The following CDK14 variants were observed in gnomAD, a reference collection of about 807,000 sequenced individuals.
CDK14 encodes cyclin dependent kinase 14.
A neutral mutation model predicts 60.7 loss-of-function variants in CDK14; 34 were observed. The ratio of observed to expected loss-of-function variants is 0.56; its 90% CI spans 0.43 to 0.75. The LOEUF is 0.75. Ranked by LOEUF, CDK14 falls within the 30% of genes least tolerant of loss-of-function variation. The pLI, the probability that CDK14 is intolerant of heterozygous loss-of-function variation, is 0.00. For synonymous variants in CDK14, 197 were observed against 203.7 expected, an observed-to-expected ratio of 0.97 and a Z score of 0.28; for missense variants, 482 against 564.1, an observed-to-expected ratio of 0.85 and a Z score of 1.47.
intron 2 of CDK14, among the ~76,000 whole-genome samples, chr7:90,664,588 A>G (rs1207590849): frequency 3.3e-5 from 5 of 152,192 alleles, no homozygotes; most frequent in Admixed American, 1.3e-4. Flanking sequence ...GCACATATAC[A>G]CCATGGAATA....
At chr7:90,677,098 A>G (rs1170811665) in intron 2 of CDK14, among the ~76,000 whole-genome samples, 1 of 152,180 alleles carries the variant, frequency 6.6e-6, no homozygotes, top group Non-Finnish European at 1.5e-5. Context: ...TCAAAATTTG[A>G]TACATCACTG....
At chr7:90,992,099 G>A (rs1795556887) in intron 10 of CDK14, among the ~76,000 whole-genome samples, 1 of 152,180 alleles carries the variant, frequency 6.6e-6, no homozygotes, top group Non-Finnish European at 1.5e-5. Flanking sequence ...AATAAAGAAA[G>A]TTCTATGCTT....
chr7:90,938,476 G>T (rs554855447), intron 8 of CDK14, among the ~76,000 whole-genome samples: 2 of 152,190 alleles, frequency 1.3e-5, no homozygotes, highest in South Asian at 2.1e-4. Flanking sequence ...CTTTTGGGGG[G>T]TTAAAACTTA....
intron 2 of CDK14, among the ~76,000 whole-genome samples, chr7:90,707,805 A>C (rs1440788970): frequency 6.6e-6 from 1 of 152,094 alleles, no homozygotes; most frequent in Non-Finnish European, 1.5e-5. Flanking sequence ...TCTTTTTTTG[A>C]GCCACCTAAG....
chr7:91,115,896 A>G (rs779642458), intron 13 of CDK14, among the ~76,000 whole-genome samples: 3 of 152,206 alleles, frequency 2.0e-5, no homozygotes, highest in Non-Finnish European at 2.9e-5. Flanking sequence ...CATAGTACCA[A>G]AATTTAGAGG....
At chr7:90,813,562 A>G (rs1789225417) in intron 5 of CDK14, among the ~76,000 whole-genome samples, 1 of 152,128 alleles carries the variant, frequency 6.6e-6, no homozygotes, top group African/African-American at 2.4e-5. Context: ...AGCCTGGCCA[A>G]CATGGCAAAA....
intron 8 of CDK14, among the ~76,000 whole-genome samples, chr7:90,944,447 C>T (rs1475874486): frequency 6.6e-6 from 1 of 152,140 alleles, no homozygotes; most frequent in Non-Finnish European, 1.5e-5. Flanking sequence ...TGAAATGTGG[C>T]CATGGCCAGG....
intron 8 of CDK14, among the ~76,000 whole-genome samples, chr7:90,942,577 C>A (rs1160377979): frequency 6.6e-6 from 1 of 152,144 alleles, no homozygotes; most frequent in African/African-American, 2.4e-5. Context: ...GGATGAATAG[C>A]TTTCAGCACA....
chr7:90,973,277 CT>C (rs1272473573), intron 9 of CDK14, among the ~76,000 whole-genome samples: 1 of 152,110 alleles, frequency 6.6e-6, no homozygotes, highest in Non-Finnish European at 1.5e-5. Context: ...AGGGGCAGGT[CT>C]CCCCCCACCA....
At chr7:91,081,247 C>T (rs1023101157) in intron 12 of CDK14, among the ~76,000 whole-genome samples, 1 of 152,130 alleles carries the variant, frequency 6.6e-6, no homozygotes, top group Non-Finnish European at 1.5e-5. Context: ...CCAAATGGTC[C>T]TTGCAACCAT....
chr7:90,956,580 A>G (rs1215304274), intron 9 of CDK14, among the ~76,000 whole-genome samples: 1 of 152,214 alleles, frequency 6.6e-6, no homozygotes, highest in African/African-American at 2.4e-5. Flanking sequence ...AAAACAATTT[A>G]CATAGCACAT....
chr7:90,943,591 A>T (rs955430881), intron 8 of CDK14, among the ~76,000 whole-genome samples: 2 of 152,212 alleles, frequency 1.3e-5, no homozygotes, highest in Admixed American at 6.5e-5. Context: ...TATAAATAAG[A>T]ATATTAATAG....
At chr7:91,063,050 T>G (rs757991709) in intron 11 of CDK14, among the ~76,000 whole-genome samples, 1 of 152,174 alleles carries the variant, frequency 6.6e-6, no homozygotes, top group Non-Finnish European at 1.5e-5. Context: ...AAACTGTCAG[T>G]GGGGCAGAGA....
At chr7:90,731,975 T>A (rs1802884363) in intron 3 of CDK14, among the ~76,000 whole-genome samples, 1 of 152,136 alleles carries the variant, frequency 6.6e-6, no homozygotes, top group Non-Finnish European at 1.5e-5. Context: ...TGGTTGTGGG[T>A]TTATCATAAA....
At chr7:91,112,301 A>G (rs930835345) in intron 12 of CDK14, among the ~76,000 whole-genome samples, 7 of 152,162 alleles carry the variant, frequency 4.6e-5, no homozygotes, top group African/African-American at 1.2e-4. Context: ...GAAAGTATCA[A>G]TCCTTTGCCT....
intron 14 of CDK14, among the ~76,000 whole-genome samples, chr7:91,130,298 G>A (rs952894563): frequency 1.3e-5 from 2 of 152,110 alleles, no homozygotes; most frequent in Non-Finnish European, 2.9e-5. Context: ...TTTGGAAAAT[G>A]TAGTTATTTT....
chr7:90,617,521 A>G (rs1227853280), intron 2 of CDK14, among the ~76,000 whole-genome samples: 2 of 152,176 alleles, frequency 1.3e-5, no homozygotes, highest in Non-Finnish European at 2.9e-5. Flanking sequence ...CCATAGATCT[A>G]TGTCATTTTT....
At chr7:90,710,804 G>A (rs564945655) in intron 2 of CDK14, among the ~76,000 whole-genome samples, 5 of 152,142 alleles carry the variant, frequency 3.3e-5, no homozygotes, top group South Asian at 4.1e-4. Flanking sequence ...AAACCTTGAC[G>A]TCTTCAGAGA....
intron 11 of CDK14, among the ~76,000 whole-genome samples, chr7:91,066,859 G>A (rs1378417536): frequency 6.6e-6 from 1 of 152,216 alleles, no homozygotes; most frequent in Non-Finnish European, 1.5e-5. Context: ...ATCTCCTGCT[G>A]TGTTGGGATC....
Sources: gnomAD v4.1 joint callset for allele counts (sites outside exome capture counted in the v4.1 genomes callset) on GRCh38, gnomAD v4.1.1 for gene constraint, MANE v1.5 for transcripts, NCBI Gene and HGNC (gene_info 2026-07-23, HGNC 2026-07-21) for gene names.